The following BDP1 variants were observed in gnomAD, a reference collection of about 807,000 sequenced individuals.
BDP1 encodes the protein BDP1 general transcription factor IIIB subunit, also known as transcription factor TFIIIB component B'' homolog.
BDP1 carries 169 observed loss-of-function variants against 266.6 expected under a neutral mutation model. The ratio of observed to expected loss-of-function variants is 0.63; its 90% CI spans 0.56 to 0.72. The LOEUF is 0.72. BDP1 is among the 30% of genes least tolerant of loss of function. The pLI is 0.00. For synonymous variants in BDP1, 1,090 were observed against 1,022.4 expected (o/e 1.07, Z -1.26); for missense variants, 3,015 against 3,053.8 (o/e 0.99, Z 0.30).
intron 25 of BDP1, among the ~76,000 whole-genome samples, 200 bp from the exon 26 acceptor site, chr5:71,532,108 C>A (rs1279792786): frequency 6.6e-6 from 1 of 152,142 alleles, no homozygotes; most frequent in African/African-American, 2.4e-5. Flanking sequence ...ACAGCCACCT[C>A]AAAAATTTTA....
chr5:71,517,220 A>G (rs1358955245), intron 21 of BDP1, 102 bp from the exon 22 acceptor site: 1 of 1,035,080 alleles, frequency 9.7e-7, no homozygotes, highest in Non-Finnish European at 1.4e-6. Context: ...AATTTAAAAA[A>G]GAAAAGGGAT....
chr5:71,465,546 A>C (rs1378567462), intron 4 of BDP1, among the ~76,000 whole-genome samples: 1 of 152,114 alleles, frequency 6.6e-6, no homozygotes, highest in Non-Finnish European at 1.5e-5. Flanking sequence ...TACAGGCCTG[A>C]ACCACCATGT....
intron 26 of BDP1, among the ~76,000 whole-genome samples, chr5:71,536,328 A>G (rs1766594255): frequency 6.6e-6 from 1 of 152,242 alleles, no homozygotes; most frequent in Non-Finnish European, 1.5e-5. Context: ...ATCAAGTACC[A>G]GTATCCTTAC....
At chr5:71,554,889 A>G (rs1225332062) in intron 35 of BDP1, among the ~76,000 whole-genome samples, 3 of 152,144 alleles carry the variant, frequency 2.0e-5, no homozygotes, top group African/African-American at 7.2e-5. Flanking sequence ...CATTTGTATT[A>G]TACTTAACAG....
At chr5:71,501,977 T>G (rs555889623) in intron 14 of BDP1, among the ~76,000 whole-genome samples, 1 of 152,300 alleles carries the variant, frequency 6.6e-6, no homozygotes, top group South Asian at 2.1e-4. Flanking sequence ...AATGTGAATC[T>G]GACTGGTGGA....
chr5:71,482,249 A>G (rs1344931166), intron 7 of BDP1, among the ~76,000 whole-genome samples: 1 of 151,998 alleles, frequency 6.6e-6, no homozygotes, highest in East Asian at 1.9e-4. Flanking sequence ...AAGATTCCCT[A>G]CCTCTGCAGC....
chr5:71,557,798 A>G (rs559863120), intron 36 of BDP1, among the ~76,000 whole-genome samples: 13 of 152,060 alleles, frequency 8.5e-5, no homozygotes, highest in Non-Finnish European at 1.9e-4. Context: ...CCAGCCTCCA[A>G]AAGTACTGGG....
In BDP1 at chr5:71,553,320, G is replaced by T; in HGVS notation, c.7200G>T (p.Glu2400Asp). 1 of 1,603,484 alleles carries T rather than the reference G, an allele frequency of 6.2e-7. No individual in the cohort carries two copies. ...LRDDCQEYTT[E>D]VHSKELTNVF... ...ATGACTGTCAAGAATATACCACTGA[G>T]GTAAGTGGTATATTAAGTACCACTC... is the stretch of plus-strand genomic sequence containing the variant. The change falls in exon 35 of 39, where the codon GAG becomes GAT. Residue 2400 changes from glutamate to aspartate, a missense_variant and splice_region_variant. Transcript: ENST00000358731.
rs752858162 is a variant in BDP1, at chr5:71,467,502, T to C, written c.919+15T>C. 1 of 1,560,734 alleles carries C rather than the reference T, an allele frequency of 6.4e-7. No homozygotes were observed. Among genetic ancestry groups the C allele is most frequent in the Admixed American group, 1.8e-5 (1 of 56,542 alleles). ...GTCAAATAAAGGTAACTAATTTTCA[T>C]TTAAAAATGTGTAAGTTCTCTATTT... is the stretch of plus-strand genomic sequence containing the variant. On this transcript the variant is annotated intron_variant, in intron 6 of 38. Coordinates refer to ENST00000358731, the MANE Select transcript of BDP1 (RefSeq NM_018429.3).
chr5:71,568,120 G>A (rs183746738), downstream of BDP1, among the ~76,000 whole-genome samples: 524 of 152,258 alleles, frequency 3.4e-3, 3 homozygotes, highest in African/African-American at 0.012. Flanking sequence ...ACTCCAGCCT[G>A]GATGACAGAA....
chr5:71,456,569 G>T (rs1761202627), intron 1 of BDP1, among the ~76,000 whole-genome samples: 1 of 152,066 alleles, frequency 6.6e-6, no homozygotes, highest in Non-Finnish European at 1.5e-5. Flanking sequence ...TTTAACTATG[G>T]TGACCGTGTT....
Position 71,545,141 on chromosome 5 carries a change from T to C in BDP1, c.6666T>C (p.Gly2222=). 3 of 1,613,770 alleles carry C rather than the reference T, an allele frequency of 1.9e-6. No individual in the cohort carries two copies. ...TGPCTLGLDR[G]LGENSVEEPQ... ...CCTGCACACTTGGTTTGGATAGGGG[T>C]CTTGGTGAAAATTCTGTTGAAGAGC... The change falls in exon 32 of 39, where the codon GGT becomes GGC. Residue 2222 remains glycine (G), a synonymous_variant. Transcript: ENST00000358731.
intron 13 of BDP1, among the ~76,000 whole-genome samples, chr5:71,498,643 C>T (rs796619302): frequency 5.3e-5 from 8 of 151,216 alleles, no homozygotes; most frequent in South Asian, 2.1e-4. Context: ...AGGCTGGTCT[C>T]GAACTCCTGA....
intron 1 of BDP1, among the ~76,000 whole-genome samples, chr5:71,456,366 G>A (rs1761189855): frequency 6.6e-6 from 1 of 152,230 alleles, no homozygotes; most frequent in Non-Finnish European, 1.5e-5. Flanking sequence ...CTGAAGTGAA[G>A]AATATCCACA....
At position 71,517,448 on chromosome 5, in the gene BDP1, A is replaced by G. The variant is rs776493123; in HGVS notation, c.4987A>G (p.Ile1663Val). 3.2e-6 allele frequency: 5 copies of G among 1,573,396 alleles called. No homozygotes were observed. Among genetic ancestry groups the G allele is most frequent in the Non-Finnish European group, 4.3e-6 (5 of 1,167,464 alleles). The change falls in exon 22 of 39, where the codon ATC becomes GTC. Residue 1663 changes from isoleucine to valine, a missense_variant. This residue lies in a region of BDP1 where 2,383 missense variants were observed against 2,404.9 expected (regional missense o/e 0.99). Coordinates refer to ENST00000358731, the MANE Select transcript of BDP1 (RefSeq NM_018429.3). ...TCATGTTAACAAAACAAATGAAACA[A>G]TCAGGTGAGTTTGCTTTTAATGAGA... ...NLHVNKTNET[I>V]RHENKPYVPS...
chr5:71,464,078 A>G lies in BDP1; in HGVS notation c.620A>G (p.Lys207Arg), dbSNP rs746018085. The G allele has an allele frequency of 2.0e-5, 32 of 1,577,952 alleles. No individual in the cohort carries two copies. The highest frequency in any genetic ancestry group is 2.7e-5 in the Non-Finnish European group (31 of 1,159,710). ...NPMTSSLEQE[K>R]KTEKPSTPVQ... ...AATAGTTCTTCACTGGAACAAGAAA[A>G]GAAAACTGAAAAGCCATCGACTCCA... Residue 207 changes from lysine to arginine, a missense_variant, in exon 4 of 39, where the codon AAG becomes AGG. Physicochemically the swap from Lys to Arg is conservative, Grantham distance 26. This residue lies in a region of BDP1 where 2,383 missense variants were observed against 2,404.9 expected (regional missense o/e 0.99). Transcript: ENST00000358731.
chr5:71,464,725 T>C (rs1761793862), intron 4 of BDP1, among the ~76,000 whole-genome samples: 1 of 138,242 alleles, frequency 7.2e-6, no homozygotes, highest in African/African-American at 2.6e-5. Flanking sequence ...GTTTTTTTTT[T>C]TTTTTTTTTT....
chr5:71,464,064 A>G lies in BDP1; in HGVS notation c.606A>G (p.Ser202=), dbSNP rs1312868498. ...TGTTATTTATGTTCAATAGTTCTTC[A>G]CTGGAACAAGAAAAGAAAACTGAAA... The part of the protein sequence containing the change: ...YLPDNNPMTS[S]LEQEKKTEKP... Residue 202 remains serine (S), a synonymous_variant, in exon 4 of 39, where the codon TCA becomes TCG. Transcript: ENST00000358731. 3 of 1,560,246 alleles carry G rather than the reference A, an allele frequency of 1.9e-6. No homozygotes were observed. Among genetic ancestry groups the G allele is most frequent in the Non-Finnish European group, 8.7e-7 (1 of 1,145,174 alleles).
intron 13 of BDP1, among the ~76,000 whole-genome samples, chr5:71,501,052 A>G (rs1384962885): frequency 6.6e-6 from 1 of 151,546 alleles, no homozygotes; most frequent in Non-Finnish European, 1.5e-5. Context: ...AGCTATGATC[A>G]TGTCACTGTA....
Sources: gnomAD v4.1 joint callset for allele counts (sites outside exome capture counted in the v4.1 genomes callset) on GRCh38, gnomAD v4.1.1 for gene constraint, gnomAD v4.1.1 regional missense constraint, MANE v1.5 for transcripts, NCBI Gene and HGNC (gene_info 2026-07-23, HGNC 2026-07-21) for gene names.